The following CAPZB variants were observed in gnomAD, a reference collection of about 807,000 sequenced individuals.
The protein encoded by CAPZB is F-actin-capping protein subunit beta.
A neutral mutation model predicts 38.1 loss-of-function variants in CAPZB; 2 were observed. That is an observed-to-expected ratio of 0.05 (90% CI 0.02 to 0.17). The LOEUF (loss-of-function observed/expected upper bound fraction) is 0.17, where lower values mean the gene tolerates loss of function less well. CAPZB is among the 10% of genes least tolerant of loss of function. CAPZB has a pLI of 1.00. For synonymous variants in CAPZB, 107 were observed against 127.4 expected, an observed-to-expected ratio of 0.84 and a Z score of 1.08; for missense variants, 161 against 334.2, an observed-to-expected ratio of 0.48 and a Z score of 4.04.
chr1:19,356,693 A>G lies in CAPZB; in HGVS notation c.530T>C (p.Leu177Pro). ...YKLTSTVMLW[L>P]QTNKSGSGTM... ...GCCAGAGCCAGATTTGTTGGTCTGC[A>G]GCCACAGCATCACCGTGGAGGTCAA... The change falls in exon 6 of 9, where the codon CTG becomes CCG. Residue 177 changes from leucine to proline, a missense_variant. Coordinates refer to ENST00000264202, the MANE Select transcript of CAPZB (RefSeq NM_004930.5). This position sits in a 1 kb window ranked among gnomAD's most constrained non-coding sequence, Gnocchi z 4.3. 6.2e-7 allele frequency: 1 copy of G among 1,614,148 alleles called. No homozygotes were observed. The highest frequency in any genetic ancestry group is 8.5e-7 in the Non-Finnish European group (1 of 1,180,012).
chr1:19,478,746 G>A (rs1345402578), intron 1 of CAPZB, among the ~76,000 whole-genome samples: 1 of 152,204 alleles, frequency 6.6e-6, no homozygotes, highest in Non-Finnish European at 1.5e-5. Flanking sequence ...CTACCTGACT[G>A]CTCAGTAGAC....
chr1:19,450,083 G>A (rs1461251060), intron 1 of CAPZB, among the ~76,000 whole-genome samples: 1 of 141,304 alleles, frequency 7.1e-6, no homozygotes, highest in Admixed American at 7.6e-5. Context: ...GGTGGGGGCT[G>A]CAGTGAGCAG....
At chr1:19,409,565 T>C (rs2094348555) in intron 2 of CAPZB, among the ~76,000 whole-genome samples, 1 of 152,206 alleles carries the variant, frequency 6.6e-6, no homozygotes, top group Non-Finnish European at 1.5e-5. Context: ...GGCAATGCCA[T>C]GTGGTAGTTA....
intron 2 of CAPZB, among the ~76,000 whole-genome samples, chr1:19,409,815 A>G (rs562965412): frequency 6.7e-4 from 102 of 152,360 alleles, no homozygotes; most frequent in African/African-American, 2.4e-3. Flanking sequence ...ATTTGCATGC[A>G]GTCAAAGCTA....
At chr1:19,368,511 A>C (rs1208438258) in intron 4 of CAPZB, among the ~76,000 whole-genome samples, 12 of 151,486 alleles carry the variant, frequency 7.9e-5, no homozygotes, top group East Asian at 3.9e-4. Flanking sequence ...AAAAAAAAAA[A>C]AAACGGTGGA....
chr1:19,417,550 T>C (rs1179373380), intron 2 of CAPZB, among the ~76,000 whole-genome samples: 1 of 152,178 alleles, frequency 6.6e-6, no homozygotes, highest in Non-Finnish European at 1.5e-5. Flanking sequence ...TCCTACCTCA[T>C]AGGACTGATG....
chr1:19,369,049 A>T (rs12141112), intron 4 of CAPZB, among the ~76,000 whole-genome samples: 18,291 of 152,226 alleles, frequency 0.12, 2,417 homozygotes, highest in African/African-American at 0.33. Flanking sequence ...CAAGAATTCT[A>T]GAGGCATCAG....
chr1:19,382,597 C>A (rs2094181463), intron 3 of CAPZB, among the ~76,000 whole-genome samples: 1 of 152,142 alleles, frequency 6.6e-6, no homozygotes, highest in Admixed American at 6.5e-5. Flanking sequence ...ACACCCCAGG[C>A]TCCTCTCTAA....
Position 19,360,814 on chromosome 1 carries a change from G to A in CAPZB, c.330-3251C>T, listed in dbSNP as rs555616459. Reference sequence around the variant, plus strand: ...GGTGACCAGGTCTAAAGTTTCAAATGCTGGAGCCAGGGGAGGTAAAAATGC... The same window carrying A: ...GGTGACCAGGTCTAAAGTTTCAAATACTGGAGCCAGGGGAGGTAAAAATGC... On this transcript the variant is annotated intron_variant, in intron 4 of 8. Coordinates refer to ENST00000264202, the MANE Select transcript of CAPZB (RefSeq NM_004930.5). 2.0e-4 allele frequency among the ~76,000 whole-genome samples: 30 copies of A among 152,338 alleles called. No individual in the cohort carries two copies. The South Asian group carries it at 6.2e-3, about 32-fold the overall frequency.
chr1:19,393,636 AG>A (rs1336042282), intron 2 of CAPZB, among the ~76,000 whole-genome samples: 1 of 152,244 alleles, frequency 6.6e-6, no homozygotes, highest in Non-Finnish European at 1.5e-5. Flanking sequence ...AGTCAGGCTC[AG>A]GGGACAGGGG....
intron 6 of CAPZB, among the ~76,000 whole-genome samples, chr1:19,347,194 C>T (rs997781817): frequency 1.3e-5 from 2 of 152,004 alleles, no homozygotes; most frequent in African/African-American, 4.8e-5. Flanking sequence ...AACGCTAGCT[C>T]GAAACTGATC....
intron 2 of CAPZB, among the ~76,000 whole-genome samples, chr1:19,415,833 C>G (rs1181222404): frequency 6.6e-6 from 1 of 152,274 alleles, no homozygotes; most frequent in African/African-American, 2.4e-5. Context: ...GCCGCCGCGC[C>G]TGGCCAATGC....
At chr1:19,409,062 G>A (rs865966324) in intron 2 of CAPZB, among the ~76,000 whole-genome samples, 2 of 152,124 alleles carry the variant, frequency 1.3e-5, no homozygotes, top group Non-Finnish European at 1.5e-5. Flanking sequence ...CACTTAGTGT[G>A]TAGGTTATGA....
At chr1:19,439,454 C>T (rs922169600) in intron 1 of CAPZB, among the ~76,000 whole-genome samples, 2 of 152,320 alleles carry the variant, frequency 1.3e-5, no homozygotes, top group East Asian at 1.9e-4. Context: ...CCACTTCCCC[C>T]GTATGAAATC....
At chr1:19,458,573 C>T (rs1263237388) in intron 1 of CAPZB, among the ~76,000 whole-genome samples, 2 of 152,244 alleles carry the variant, frequency 1.3e-5, no homozygotes, top group Non-Finnish European at 2.9e-5. Context: ...GCAGGCTGGT[C>T]TTTAACTCCT....
intron 1 of CAPZB, among the ~76,000 whole-genome samples, chr1:19,475,583 TCTGTTCTCGA>T (rs1482292460): frequency 3.9e-5 from 6 of 152,194 alleles, no homozygotes; most frequent in Admixed American, 3.9e-4. Context: ...GCTCGGCTCC[TCTGTTCTCGA>T]CTGAGAGCCT....
At chr1:19,484,637 C>G in intron 1 of CAPZB, 1 of 1,171,362 alleles carries the variant, frequency 8.5e-7, no homozygotes, top group African/African-American at 1.6e-5. Flanking sequence ...CCAAAGGCTG[C>G]AAAGAAGGCG....
chr1:19,344,442 G>A lies in CAPZB; in HGVS notation c.655-8C>T, dbSNP rs1558168464. ...GATTTTATTTTCCATGTCCTGGAAG[G>A]GAGGTCGGTCAGCGCAGTGGCAAAA... On this transcript the variant is annotated splice_region_variant and splice_polypyrimidine_tract_variant and intron_variant, in intron 7 of 8. Coordinates refer to ENST00000264202, the MANE Select transcript of CAPZB (RefSeq NM_004930.5). The A allele has an allele frequency of 6.2e-7, 1 of 1,613,218 alleles. No individual in the cohort carries two copies. The highest frequency in any genetic ancestry group is 8.5e-7 in the Non-Finnish European group (1 of 1,179,138).
intron 1 of CAPZB, among the ~76,000 whole-genome samples, chr1:19,453,929 A>AC (rs1477056120): frequency 6.6e-6 from 1 of 152,090 alleles, no homozygotes; most frequent in Non-Finnish European, 1.5e-5. Flanking sequence ...AAAATGAGGA[A>AC]CAAAGAAGCT....
Sources: gnomAD v4.1 joint callset for allele counts (sites outside exome capture counted in the v4.1 genomes callset) on GRCh38, gnomAD v4.1.1 for gene constraint, Gnocchi (gnomAD v3.1) non-coding constraint, MANE v1.5 for transcripts, NCBI Gene and HGNC (gene_info 2026-07-23, HGNC 2026-07-21) for gene names.